The following FAM222B variants were observed in gnomAD, a reference collection of about 807,000 sequenced individuals.
FAM222B encodes family with sequence similarity 222 member B, also known as protein FAM222B.
A neutral mutation model predicts 38.0 loss-of-function variants in FAM222B; 12 were observed. The observed-to-expected ratio is 0.32, with a 90% CI of 0.20 to 0.51. FAM222B has a LOEUF of 0.51. Ranked by LOEUF, FAM222B falls within the 20% of genes least tolerant of loss-of-function variation. The pLI, the probability that FAM222B is intolerant of heterozygous loss-of-function variation, is 0.97. For synonymous variants in FAM222B, 329 were observed against 317.2 expected, an observed-to-expected ratio of 1.04 and a Z score of -0.40; for missense variants, 716 against 754.2, an observed-to-expected ratio of 0.95 and a Z score of 0.59.
At chr17:28,804,604 G>A (rs531998988) in intron 1 of FAM222B, among the ~76,000 whole-genome samples, 1 of 152,066 alleles carries the variant, frequency 6.6e-6, no homozygotes, top group Non-Finnish European at 1.5e-5. Context: ...AAAGTGCTGG[G>A]ATTACAGGCA....
At chr17:28,837,979 T>C (rs1303628119) in intron 1 of FAM222B, among the ~76,000 whole-genome samples, 2 of 152,074 alleles carry the variant, frequency 1.3e-5, no homozygotes, top group Non-Finnish European at 1.5e-5. Context: ...AATAGAATGT[T>C]TTTAGGCCGG....
At chr17:28,782,727 G>T (rs948354703) in intron 1 of FAM222B, among the ~76,000 whole-genome samples, 1 of 152,092 alleles carries the variant, frequency 6.6e-6, no homozygotes, top group Non-Finnish European at 1.5e-5. Context: ...TTCTTGCTGG[G>T]CACAGTGACA....
chr17:28,759,952 A>T lies in FAM222B; in HGVS notation c.83-76T>A. ...GTGCCAAGGCAAACAGCCCTTCCAG[A>T]TTCCCCTTTTGAGGGCCTGGGGTGG... On this transcript the variant is annotated intron_variant, in intron 2 of 2. Coordinates refer to ENST00000581407, the MANE Select transcript of FAM222B (RefSeq NM_001077498.3). This position sits in a 1 kb window ranked among gnomAD's most constrained non-coding sequence, Gnocchi z 4.8. 8.8e-6 allele frequency: 12 copies of T among 1,360,024 alleles called. No individual in the cohort carries two copies. The highest frequency in any genetic ancestry group is 1.2e-5 in the Non-Finnish European group (12 of 1,021,158). 84.2% of individuals were successfully genotyped at this position (1,360,024 alleles called of 1,614,324 possible).
chr17:28,853,785 A>G (rs1474906468), intron 1 of FAM222B, among the ~76,000 whole-genome samples: 1 of 151,858 alleles, frequency 6.6e-6, no homozygotes, highest in African/African-American at 2.4e-5. Context: ...TAGCTACTCA[A>G]GAGGGCTGAA....
intron 1 of FAM222B, among the ~76,000 whole-genome samples, chr17:28,837,736 T>A (rs1030579806): frequency 5.9e-5 from 9 of 151,288 alleles, no homozygotes; most frequent in Admixed American, 4.6e-4. Context: ...CATTACCACC[T>A]CCACCTCCTG....
intron 1 of FAM222B, among the ~76,000 whole-genome samples, chr17:28,852,382 A>G (rs1216177128): frequency 6.6e-6 from 1 of 151,632 alleles, no homozygotes; most frequent in South Asian, 2.1e-4. Context: ...GGCCAGGTAC[A>G]GTGACTCACG....
At chr17:28,800,783 T>G (rs1200289096) in intron 1 of FAM222B, among the ~76,000 whole-genome samples, 1 of 143,716 alleles carries the variant, frequency 7.0e-6, no homozygotes, top group Non-Finnish European at 1.5e-5. Context: ...GAATGCACAG[T>G]AACACCTGGC....
At chr17:28,775,737 C>T (rs567112401) in intron 1 of FAM222B, among the ~76,000 whole-genome samples, 101 of 151,660 alleles carry the variant, frequency 6.7e-4, no homozygotes, top group Middle Eastern at 3.4e-3. Context: ...AAAAATTAGC[C>T]GGGCATGGTG....
At chr17:28,803,509 C>T (rs2037334893) in intron 1 of FAM222B, among the ~76,000 whole-genome samples, 2 of 151,884 alleles carry the variant, frequency 1.3e-5, no homozygotes, top group South Asian at 4.2e-4. Flanking sequence ...CTTGCTTGGG[C>T]GGGTCTCAAA....
At chr17:28,760,291 T>A (rs1253698054) in intron 2 of FAM222B, among the ~76,000 whole-genome samples, 1 of 151,868 alleles carries the variant, frequency 6.6e-6, no homozygotes, top group Non-Finnish European at 1.5e-5. Context: ...AAATTCAGGG[T>A]CGCTGGGCAC....
Position 28,826,373 on chromosome 17 carries a change from T to C in FAM222B, c.-41+16309A>G, listed in dbSNP as rs538818351. ...GCATAAGCCACCCACGCCCGGCCAT[T>C]AACTGATTTTTAAAAAGCTGTCTGT... On this transcript the variant is annotated intron_variant, in intron 1 of 2. Transcript: ENST00000581407. 7.2e-5 allele frequency among the ~76,000 whole-genome samples: 11 copies of C among 151,968 alleles called. No homozygotes were observed. The East Asian group carries it at 1.7e-3, about 24-fold the overall frequency.
chr17:28,803,301 C>T (rs966973703), intron 1 of FAM222B, among the ~76,000 whole-genome samples: 14 of 152,058 alleles, frequency 9.2e-5, no homozygotes, highest in Middle Eastern at 3.4e-3. Flanking sequence ...AGCCACCGTA[C>T]CCAGGTTCTT....
chr17:28,816,494 C>T (rs2038029695), intron 1 of FAM222B, among the ~76,000 whole-genome samples: 1 of 152,026 alleles, frequency 6.6e-6, no homozygotes, highest in African/African-American at 2.4e-5. Flanking sequence ...TCAGTTTGCA[C>T]CTCATTATTT....
At chr17:28,770,876 T>C (rs1032210058) in intron 1 of FAM222B, among the ~76,000 whole-genome samples, 3 of 152,144 alleles carry the variant, frequency 2.0e-5, no homozygotes, top group African/African-American at 7.2e-5. Context: ...GCCATATCAG[T>C]TTCCATTTTG....
chr17:28,772,787 C>T (rs1218947642), intron 1 of FAM222B, among the ~76,000 whole-genome samples: 1 of 151,954 alleles, frequency 6.6e-6, no homozygotes, highest in African/African-American at 2.4e-5. Context: ...CCCACCTACT[C>T]AGGAGGCTGA....
chr17:28,764,678 C>T (rs752735631), intron 2 of FAM222B, among the ~76,000 whole-genome samples: 86 of 151,640 alleles, frequency 5.7e-4, no homozygotes, highest in Admixed American at 7.2e-4. Context: ...ACCCAGAAGG[C>T]GGAGGTTGCG....
chr17:28,798,755 C>A (rs1160624126), intron 1 of FAM222B, among the ~76,000 whole-genome samples: 1 of 151,190 alleles, frequency 6.6e-6, no homozygotes, highest in East Asian at 1.9e-4. Context: ...CTGTCTCAGC[C>A]TCCTGAGTAG....
At chr17:28,853,090 G>A (rs2039194068) in intron 1 of FAM222B, among the ~76,000 whole-genome samples, 1 of 151,978 alleles carries the variant, frequency 6.6e-6, no homozygotes, top group Non-Finnish European at 1.5e-5. Flanking sequence ...CTACTCGGGA[G>A]GCTGAGGCAG....
At chr17:28,848,562 C>T (rs1437624559) in intron 1 of FAM222B, among the ~76,000 whole-genome samples, 1 of 151,740 alleles carries the variant, frequency 6.6e-6, no homozygotes, top group Non-Finnish European at 1.5e-5. Flanking sequence ...AATTCAAGAC[C>T]AGCCTGGCCA....
Sources: allele counts gnomAD v4.1 joint callset (sites outside exome capture counted in the v4.1 genomes callset), GRCh38; gene constraint gnomAD v4.1.1; non-coding constraint Gnocchi (gnomAD v3.1); transcripts MANE v1.5; gene names NCBI Gene and HGNC (gene_info 2026-07-23, HGNC 2026-07-21).